The following ANKRD17 variants were observed in gnomAD, a reference collection of about 807,000 sequenced individuals.
ANKRD17 encodes the protein ankyrin repeat domain 17.
Under a neutral mutation model 229.7 loss-of-function variants are expected in ANKRD17, and 19 were observed. The ratio of observed to expected loss-of-function variants is 0.08; its 90% confidence interval spans 0.06 to 0.12. The LOEUF (loss-of-function observed/expected upper bound fraction) is 0.12. ANKRD17 is among the 10% of genes least tolerant of loss of function. The pLI is 1.00. For synonymous variants in ANKRD17, 1,112 were observed against 1,146.1 expected, an observed-to-expected ratio of 0.97 and a Z score of 0.60; for missense variants, 2,176 against 3,176.8, an observed-to-expected ratio of 0.68 and a Z score of 7.57.
chr4:73,185,849 TAC>T (rs1736227063), intron 1 of ANKRD17, among the ~76,000 whole-genome samples: 2 of 152,034 alleles, frequency 1.3e-5, no homozygotes, highest in Non-Finnish European at 2.9e-5. Context: ...CAATATGAAA[TAC>T]ATTTTACATA....
chr4:73,130,466 A>G (rs963353566), intron 16 of ANKRD17, among the ~76,000 whole-genome samples: 1 of 152,190 alleles, frequency 6.6e-6, no homozygotes, highest in African/African-American at 2.4e-5. Flanking sequence ...TACTTATACC[A>G]TTAAAGGTAA....
At chr4:73,180,158 T>G (rs1396112079) in intron 1 of ANKRD17, among the ~76,000 whole-genome samples, 2 of 152,024 alleles carry the variant, frequency 1.3e-5, no homozygotes, top group Admixed American at 1.3e-4. Flanking sequence ...AACTGATTAA[T>G]CAAAGGTAGA....
At chr4:73,178,415 G>C (rs1000377690) in intron 1 of ANKRD17, among the ~76,000 whole-genome samples, 1 of 152,064 alleles carries the variant, frequency 6.6e-6, no homozygotes, top group African/African-American at 2.4e-5. Flanking sequence ...GCATTCAAAA[G>C]GGGAGTTTTC....
Position 73,203,609 on chromosome 4 carries a change from T to A in ANKRD17, c.394-26076A>T, listed in dbSNP as rs1244848915. 4.0e-5 allele frequency among the ~76,000 whole-genome samples: 6 copies of A among 151,026 alleles called. No individual in the cohort carries two copies. The East Asian group carries it at 1.2e-3, about 30-fold the overall frequency. ...CGTCTCTACTAAAAATACGAAAAAATTAGCCGGGCTTGGTGGCTGATGCCT... is the reference window on the plus strand; with the variant it reads ...CGTCTCTACTAAAAATACGAAAAAAATAGCCGGGCTTGGTGGCTGATGCCT... On this transcript the variant is annotated intron_variant, in intron 1 of 33. Transcript: ENST00000358602.
chr4:73,126,457 G>C (rs1314504346), intron 16 of ANKRD17, among the ~76,000 whole-genome samples: 3 of 151,848 alleles, frequency 2.0e-5, no homozygotes, highest in Admixed American at 6.6e-5. Flanking sequence ...TGAGAAGTAG[G>C]CCTTGAAATT....
rs1311494283 is a variant in ANKRD17, at chr4:73,233,798, A to C, written c.393+24478T>G. On this transcript the variant is annotated intron_variant, in intron 1 of 33. Coordinates refer to ENST00000358602, the MANE Select transcript of ANKRD17 (RefSeq NM_032217.5). The stretch of plus-strand genomic sequence containing the variant: ...CATAGGTCAAAATCTATTGTCTCTC[A>C]AACAGTGAAGTCACTGTTCCACTGC... 2.0e-5 allele frequency among the ~76,000 whole-genome samples: 3 copies of C among 152,160 alleles called. No homozygotes were observed. In the East Asian group the frequency reaches 5.8e-4, roughly 29 times the overall value.
chr4:73,229,353 CAGTG>C (rs1379872500), intron 1 of ANKRD17, among the ~76,000 whole-genome samples: 1 of 152,116 alleles, frequency 6.6e-6, no homozygotes, highest in African/African-American at 2.4e-5. Flanking sequence ...TTTATACTGA[CAGTG>C]AGTGAGACTG....
At chr4:73,174,526 A>C (rs1212355181) in intron 2 of ANKRD17, among the ~76,000 whole-genome samples, 4 of 152,184 alleles carry the variant, frequency 2.6e-5, no homozygotes, top group Non-Finnish European at 5.9e-5. Context: ...CTGGAACAAG[A>C]TCTGGATGCC....
intron 18 of ANKRD17, 110 bp from the exon 19 acceptor site, chr4:73,121,869 G>GT (rs1451466244): frequency 1.1e-5 from 13 of 1,134,700 alleles, no homozygotes; most frequent in South Asian, 7.9e-5. Flanking sequence ...GAAGGGGAAA[G>GT]TTCTTCCTTC....
intron 24 of ANKRD17, among the ~76,000 whole-genome samples, chr4:73,107,892 G>T (rs188769247): frequency 6.6e-6 from 1 of 152,254 alleles, no homozygotes; most frequent in East Asian, 1.9e-4. Context: ...GAGGATCAGG[G>T]TGCTACATAA....
intron 29 of ANKRD17, 81 bp from the exon 30 acceptor site, chr4:73,085,527 A>G (rs928207006): frequency 2.5e-6 from 3 of 1,179,592 alleles, no homozygotes; most frequent in Non-Finnish European, 3.7e-6. Flanking sequence ...AAAAGGCCCT[A>G]AATATATTCA....
intron 30 of ANKRD17, among the ~76,000 whole-genome samples, chr4:73,083,049 C>T (rs2110108903): frequency 6.6e-6 from 1 of 152,202 alleles, no homozygotes; most frequent in Non-Finnish European, 1.5e-5. Flanking sequence ...AATAATTTTA[C>T]ACACACACAG....
intron 18 of ANKRD17, 37 bp from the exon 19 acceptor site, chr4:73,121,796 G>C: frequency 6.4e-7 from 1 of 1,551,036 alleles, no homozygotes; most frequent in Non-Finnish European, 8.7e-7. Context: ...TTTTCTTATG[G>C]AGAGACAAAT....
At chr4:73,080,526 A>G (rs1232102981) in intron 30 of ANKRD17, among the ~76,000 whole-genome samples, 3 of 152,252 alleles carry the variant, frequency 2.0e-5, no homozygotes, top group Non-Finnish European at 2.9e-5. Context: ...ACAGACATGT[A>G]AATGTAAACA....
chr4:73,156,628 GCT>G (rs372964163), intron 3 of ANKRD17, among the ~76,000 whole-genome samples: 1 of 150,912 alleles, frequency 6.6e-6, no homozygotes, highest in African/African-American at 2.4e-5. Flanking sequence ...TACCCACTTT[GCT>G]CTCTCTCTCT....
At chr4:73,127,804 A>T (rs1727674595) in intron 16 of ANKRD17, among the ~76,000 whole-genome samples, 1 of 152,264 alleles carries the variant, frequency 6.6e-6, no homozygotes, top group Admixed American at 6.5e-5. Flanking sequence ...TGTACATAAT[A>T]ATTATAAAAA....
At chr4:73,186,427 A>G (rs965895735) in intron 1 of ANKRD17, among the ~76,000 whole-genome samples, 1 of 152,138 alleles carries the variant, frequency 6.6e-6, no homozygotes, top group African/African-American at 2.4e-5. Flanking sequence ...AAATAAAACT[A>G]AAGTGAACCT....
intron 1 of ANKRD17, among the ~76,000 whole-genome samples, chr4:73,213,236 T>A (rs547713582): frequency 1.3e-5 from 2 of 152,114 alleles, no homozygotes; most frequent in East Asian, 3.9e-4. Flanking sequence ...ACAGGACAGA[T>A]TCAAGGTTAG....
chr4:73,113,155 C>A, intron 24 of ANKRD17: 1 of 1,248,288 alleles, frequency 8.0e-7, no homozygotes, highest in Non-Finnish European at 1.0e-6. Flanking sequence ...AATTATTTTC[C>A]TATGATTACT....
Sources: gnomAD v4.1 joint callset for allele counts (sites outside exome capture counted in the v4.1 genomes callset) on GRCh38, gnomAD v4.1.1 for gene constraint, MANE v1.5 for transcripts, NCBI Gene and HGNC (gene_info 2026-07-23, HGNC 2026-07-21) for gene names.